The following MAK variants were observed in gnomAD, a reference collection of about 807,000 sequenced individuals.
MAK encodes the protein male germ cell associated kinase.
In MAK, 65 loss-of-function variants were observed where a neutral mutation model predicts 82.6. The ratio of observed to expected loss-of-function variants is 0.79; its 90% CI spans 0.64 to 0.97. The LOEUF is 0.97. MAK is among the 50% of genes least tolerant of loss of function. The probability of loss-of-function intolerance (pLI) is 0.00; values close to 1 mark genes in which losing one functional copy is unlikely to be tolerated. For missense variants in MAK, 703 were observed against 780.2 expected (o/e 0.90, Z 1.18); for synonymous variants, 250 against 274.2 (o/e 0.91, Z 0.87).
At position 10,776,731 on chromosome 6, in the gene MAK, T is replaced by G. The variant is rs1773483770; in HGVS notation, c.1466-1272A>C. ...CTAAGGAAACACTTCATCAGGCAAG[T>G]AATTTCCCTTTCTTTATAGGATATA... On this transcript the variant is annotated intron_variant, in intron 11 of 14. Coordinates refer to ENST00000354489, the MANE Select transcript of MAK (RefSeq NM_001242957.3). The surrounding 1 kb of genome is among the most constrained non-coding windows in gnomAD (Gnocchi z 4.3). Among the ~76,000 whole-genome samples the G allele has an allele frequency of 6.6e-6, 1 of 152,218 alleles. No homozygotes were observed. Among genetic ancestry groups the G allele is most frequent in the Non-Finnish European group, 1.5e-5 (1 of 68,044 alleles).
chr6:10,771,482 A>G lies in MAK; in HGVS notation c.1673-1252T>C, dbSNP rs554653433. 4.6e-5 allele frequency among the ~76,000 whole-genome samples: 7 copies of G among 152,300 alleles called. No homozygotes were observed. In the East Asian group the frequency reaches 1.2e-3, roughly 25 times the overall value. On this transcript the variant is annotated intron_variant, in intron 13 of 14. Coordinates refer to ENST00000354489, the MANE Select transcript of MAK (RefSeq NM_001242957.3). The stretch of plus-strand genomic sequence containing the variant: ...CTGAAGACAAACGACAACCAGAAGC[A>G]ATAGGAGGAGCTAGCTCTGCAGGAA...
chr6:10,764,328 G>A lies in MAK; in HGVS notation c.*124C>T, dbSNP rs1772195761. 1.1e-5 allele frequency: 12 copies of A among 1,059,288 alleles called. No individual in the cohort carries two copies. The highest frequency in any genetic ancestry group is 3.0e-4 in the Middle Eastern group (1 of 3,290). 65.6% of individuals were successfully genotyped at this position (1,059,288 alleles called of 1,614,324 possible). A position where few individuals can be genotyped will look rare whatever the true frequency, so the allele number is the denominator to read the frequency against. On this transcript the variant is annotated 3_prime_UTR_variant, in exon 15 of 15. Transcript: ENST00000354489. ...TAGGGGATGATTTTTGCCCTTCCAA[G>A]TACCCACTTTTGCATATTTCTTCCA...
chr6:10,780,419 T>C (rs550188288), intron 11 of MAK, among the ~76,000 whole-genome samples: 1 of 151,694 alleles, frequency 6.6e-6, no homozygotes, highest in African/African-American at 2.4e-5. Flanking sequence ...AAGAAGATAC[T>C]GATTTGCAAT....
At chr6:10,808,224 A>G (rs1360034236) in intron 6 of MAK, among the ~76,000 whole-genome samples, 2 of 152,194 alleles carry the variant, frequency 1.3e-5, no homozygotes, top group Non-Finnish European at 2.9e-5. Context: ...AAATGAAATC[A>G]TATGGTATGT....
At chr6:10,781,685 A>T (rs531534968) in intron 11 of MAK, among the ~76,000 whole-genome samples, 2 of 152,202 alleles carry the variant, frequency 1.3e-5, no homozygotes, top group South Asian at 4.1e-4. Context: ...CAGCCTCCCA[A>T]AGTGCTGGGA....
chr6:10,764,237 C>T lies in MAK; in HGVS notation c.*215G>A, dbSNP rs1772186147. ...TAGTTTATTCAATACTTTGTAACAT[C>T]CTACCCATATATCAACACTGTGGGC... On this transcript the variant is annotated 3_prime_UTR_variant, in exon 15 of 15. Coordinates refer to ENST00000354489, the MANE Select transcript of MAK (RefSeq NM_001242957.3). The T allele has an allele frequency of 1.8e-6, 1 of 563,204 alleles. No homozygotes were observed. 34.9% of individuals were successfully genotyped at this position (563,204 alleles called of 1,614,324 possible).
chr6:10,837,688 G>A (rs149702954), intron 1 of MAK, among the ~76,000 whole-genome samples: 3 of 152,334 alleles, frequency 2.0e-5, no homozygotes, highest in Admixed American at 2.0e-4. Context: ...TTTGCATACA[G>A]CTCTTTCCTT....
intron 10 of MAK, chr6:10,784,964 G>C (rs1774399849): frequency 2.2e-6 from 1 of 460,298 alleles, no homozygotes. Flanking sequence ...TTGGGGCATG[G>C]TTTGGATGGC....
intron 14 of MAK, among the ~76,000 whole-genome samples, chr6:10,769,147 G>A (rs149064973): frequency 6.6e-6 from 1 of 152,152 alleles, no homozygotes; most frequent in Admixed American, 6.5e-5. Flanking sequence ...CCAGGAGTTC[G>A]AGGCTGCAGT....
intron 8 of MAK, among the ~76,000 whole-genome samples, chr6:10,799,083 G>A (rs567068369): frequency 2.0e-5 from 3 of 152,168 alleles, no homozygotes; most frequent in South Asian, 2.1e-4. Context: ...CGCCTGCCTC[G>A]GAAAGTGCTG....
At chr6:10,804,402 G>A (rs1218323503) in intron 6 of MAK, among the ~76,000 whole-genome samples, 1 of 152,160 alleles carries the variant, frequency 6.6e-6, no homozygotes, top group Non-Finnish European at 1.5e-5. Context: ...GAGTGCAATG[G>A]CGCGGTCCCG....
intron 13 of MAK, among the ~76,000 whole-genome samples, chr6:10,771,533 C>T (rs890925780): frequency 4.6e-5 from 7 of 152,134 alleles, no homozygotes; most frequent in African/African-American, 1.4e-4. Flanking sequence ...CTCTAGAAGG[C>T]GAAATGGGGC....
intron 7 of MAK, among the ~76,000 whole-genome samples, 160 bp downstream of exon 7, chr6:10,803,560 A>G (rs1286312581): frequency 6.6e-6 from 1 of 151,932 alleles, no homozygotes; most frequent in Non-Finnish European, 1.5e-5. Flanking sequence ...AAAAAAAAGA[A>G]TTATAAGAAA....
chr6:10,791,800 A>G lies in MAK; in HGVS notation c.1191T>C (p.Gly397=), dbSNP rs551658772. ...TATCTCCAGACTTGAAGATAGTCTGACCCCAACGCCTCCTACCACTTTTAT... is the reference window on the plus strand; with the variant it reads ...TATCTCCAGACTTGAAGATAGTCTGGCCCCAACGCCTCCTACCACTTTTAT... ...LSHKSGRRRW[G]QTIFKSGDSW... is the part of the protein sequence containing the mutation. The change falls in exon 10 of 15, where the codon GGT becomes GGC. Residue 397 remains glycine, a synonymous_variant. Transcript: ENST00000354489. The G allele has an allele frequency of 8.1e-6, 13 of 1,614,106 alleles. No individual in the cohort carries two copies. In the African/African-American group the frequency reaches 9.3e-5, roughly 12 times the overall value.
At chr6:10,821,008 G>T (rs1034082619) in intron 2 of MAK, among the ~76,000 whole-genome samples, 2 of 152,006 alleles carry the variant, frequency 1.3e-5, no homozygotes, top group African/African-American at 4.8e-5. Flanking sequence ...GAGTGCAGTG[G>T]CCTGATCATG....
At chr6:10,765,902 T>C (rs963440266) in intron 14 of MAK, among the ~76,000 whole-genome samples, 4 of 152,216 alleles carry the variant, frequency 2.6e-5, no homozygotes, top group Non-Finnish European at 5.9e-5. Flanking sequence ...GTTTAAAAAT[T>C]TGTGAAAAAT....
At chr6:10,816,052 A>G (rs1034929465) in intron 4 of MAK, among the ~76,000 whole-genome samples, 2 of 151,024 alleles carry the variant, frequency 1.3e-5, no homozygotes, top group African/African-American at 4.9e-5. Context: ...TGGCCAACGC[A>G]GTGAAACCCT....
intron 2 of MAK, among the ~76,000 whole-genome samples, chr6:10,825,195 A>G (rs1177864035): frequency 3.9e-5 from 6 of 152,034 alleles, no homozygotes; most frequent in Non-Finnish European, 8.8e-5. Flanking sequence ...TAGGTGACAC[A>G]TTTGAGGACA....
chr6:10,795,262 G>GC (rs1314645405), intron 9 of MAK, among the ~76,000 whole-genome samples: 6 of 151,948 alleles, frequency 3.9e-5, no homozygotes, highest in Admixed American at 3.9e-4. Flanking sequence ...GACCAGCCTG[G>GC]CCAACATGGT....
Sources: allele counts gnomAD v4.1 joint callset (sites outside exome capture counted in the v4.1 genomes callset), GRCh38; gene constraint gnomAD v4.1.1; non-coding constraint Gnocchi (gnomAD v3.1); transcripts MANE v1.5; gene names NCBI Gene and HGNC (gene_info 2026-07-23, HGNC 2026-07-21).